The following SIX5 variants were observed in gnomAD, a reference collection of about 807,000 sequenced individuals.
The protein encoded by SIX5 is homeobox protein SIX5.
A neutral mutation model predicts 37.1 loss-of-function variants in SIX5; 21 were observed. The ratio of observed to expected loss-of-function variants is 0.57; its 90% CI spans 0.40 to 0.81. The LOEUF is 0.81. Ranked by LOEUF, SIX5 falls within the 40% of genes least tolerant of loss-of-function variation. The probability of loss-of-function intolerance (pLI) is 0.00; values close to 1 mark genes in which losing one functional copy is unlikely to be tolerated. For missense variants in SIX5, 1,137 were observed against 1,025.1 expected, an observed-to-expected ratio of 1.11 and a Z score of -1.49; for synonymous variants, 626 against 505.9, an observed-to-expected ratio of 1.24 and a Z score of -3.19.
rs750846602 is a variant in SIX5 at position 45,766,987 on chromosome 19, G to A, written c.972C>T (p.Asn324=). The A allele has an allele frequency of 4.4e-6, 7 of 1,603,042 alleles. No individual in the cohort carries two copies. The highest frequency in any genetic ancestry group is 1.3e-5 in the African/African-American group (1 of 74,810). Residue 324 remains asparagine, a synonymous_variant, in exon 2 of 3, where the codon AAC becomes AAT. Coordinates refer to ENST00000317578, the MANE Select transcript of SIX5 (RefSeq NM_175875.5). ...PCPASSSILV[N]GSFLAASGSP... Reference sequence around the variant, plus strand: ...AGCCGCTGGCTGCCAGGAAGCTCCCGTTCACCAGGATGGAGGAGGAAGCCG... The same window carrying A: ...AGCCGCTGGCTGCCAGGAAGCTCCCATTCACCAGGATGGAGGAGGAAGCCG...
intron 1 of SIX5, 84 bp downstream of exon 1, chr19:45,767,957 GC>G: frequency 7.3e-7 from 1 of 1,374,946 alleles, no homozygotes; most frequent in East Asian, 2.4e-5. Flanking sequence ...CGGCGCGCCG[GC>G]CCCAGCAGTG....
Position 45,768,319 on chromosome 19 carries a change from G to A in SIX5, c.526C>T (p.Arg176Cys), listed in dbSNP as rs375188579. Reference sequence around the variant, plus strand: ...TCCACTGCGCCAAGCGCGCGGCCGCGGGCCCGCTCGGCCTCATGGTAGCGC... The same window carrying A: ...TCCACTGCGCCAAGCGCGCGGCCGCAGGCCCGCTCGGCCTCATGGTAGCGC... ...RARYHEAERARGRALGAVDKY... is the reference protein window; with the variant it reads ...RARYHEAERACGRALGAVDKY... Residue 176 changes from arginine to cysteine, a missense_variant, in exon 1 of 3, where the codon CGC (arginine) becomes TGC (cysteine). By Grantham distance (180) the Arg-to-Cys change is radical. This residue lies in a region of SIX5 where 331 missense variants were observed against 360.9 expected (regional missense o/e 0.92). Coordinates refer to ENST00000317578, the MANE Select transcript of SIX5 (RefSeq NM_175875.5). 6.2e-7 allele frequency: 1 copy of A among 1,606,832 alleles called. No homozygotes were observed. The highest frequency in any genetic ancestry group is 1.3e-5 in the African/African-American group (1 of 74,826).
chr19:45,766,649 G>A lies in SIX5; in HGVS notation c.1310C>T (p.Thr437Ile). 1.4e-6 allele frequency: 2 copies of A among 1,480,962 alleles called. No individual in the cohort carries two copies. The highest frequency in any genetic ancestry group is 1.8e-6 in the Non-Finnish European group (2 of 1,114,164). 91.7% of individuals were successfully genotyped at this position (1,480,962 alleles called of 1,614,324 possible). Residue 437 changes from threonine (T) to isoleucine (I), a missense_variant, in exon 2 of 3, where the codon ACC becomes ATC. Thr to Ile is a moderately conservative substitution (Grantham distance 89). Coordinates refer to ENST00000317578, the MANE Select transcript of SIX5 (RefSeq NM_175875.5). ...CACTGGCCCCGGGGGCAGAGGAAAGGTGGCAGCCGTCGGGGGGCCAGGCAC... is the reference window on the plus strand; with the variant it reads ...CACTGGCCCCGGGGGCAGAGGAAAGATGGCAGCCGTCGGGGGGCCAGGCAC... Reference protein sequence around the residue: ...QVVPGPPTAATFPLPPGPVPA... With the variant: ...QVVPGPPTAAIFPLPPGPVPA...
chr19:45,767,463 G>C (rs540884931), intron 1 of SIX5, among the ~76,000 whole-genome samples: 1 of 152,216 alleles, frequency 6.6e-6, no homozygotes, highest in African/African-American at 2.4e-5. Flanking sequence ...CGAGTGGCCT[G>C]GAGAGAGGGA....
At position 45,766,390 on chromosome 19, in the gene SIX5, C is replaced by T. The variant is rs1969074580; in HGVS notation, c.1569G>A (p.Val523=). 2 of 1,590,008 alleles carry T rather than the reference C, an allele frequency of 1.3e-6. No individual in the cohort carries two copies. The highest frequency in any genetic ancestry group is 1.7e-6 in the Non-Finnish European group (2 of 1,169,698). Residue 523 remains valine (V), a synonymous_variant, in exon 2 of 3, where the codon GTG becomes GTA. Transcript: ENST00000317578. ...AAGGCAGCTGCAGGGCAGTCACGCC[C>T]ACCCCGGAGTTGATGAGGTGCACAT... ...PANVHLINSG[V]GVTALQLPSA...
chr19:45,768,001 T>C, intron 1 of SIX5, 41 bp downstream of exon 1: 1 of 1,577,640 alleles, frequency 6.3e-7, no homozygotes, highest in Non-Finnish European at 8.6e-7. Flanking sequence ...GGACGGGATG[T>C]CCCCGGGAGA....
chr19:45,767,026 A>T lies in SIX5; in HGVS notation c.933T>A (p.Pro311=). 6.2e-7 allele frequency: 1 copy of T among 1,609,180 alleles called. No individual in the cohort carries two copies. The highest frequency in any genetic ancestry group is 8.5e-7 in the Non-Finnish European group (1 of 1,179,056). Residue 311 remains proline, a synonymous_variant, in exon 2 of 3, where the codon CCT becomes CCA. Coordinates refer to ENST00000317578, the MANE Select transcript of SIX5 (RefSeq NM_175875.5). ...AGGAGGAAGCCGGGCAAGGCGCGGG[A>T]GGGCCGGTCCCTGCCAGGAATATGG... is the stretch of plus-strand genomic sequence containing the variant. ...QGSIFLAGTG[P]PAPCPASSSI...
At position 45,767,170 on chromosome 19, in the gene SIX5, G is replaced by A. The variant is rs772894461; in HGVS notation, c.804-15C>T. On this transcript the variant is annotated splice_polypyrimidine_tract_variant and intron_variant, in intron 1 of 2. Coordinates refer to ENST00000317578, the MANE Select transcript of SIX5 (RefSeq NM_175875.5). ...CATCAGACTCGCTGGCCGGAGAAATGGCTGTCAGCTGGGGTCCCTTAGCCT... is the reference window on the plus strand; with the variant it reads ...CATCAGACTCGCTGGCCGGAGAAATAGCTGTCAGCTGGGGTCCCTTAGCCT... 35 of 1,609,528 alleles carry A rather than the reference G, an allele frequency of 2.2e-5. No homozygotes were observed. Among genetic ancestry groups the A allele is most frequent in the Non-Finnish European group, 2.8e-5 (33 of 1,179,194 alleles).
At position 45,766,239 on chromosome 19, in the gene SIX5, T is replaced by C. The variant is rs963885375; in HGVS notation, c.1609+111A>G. 2.0e-6 allele frequency: 3 copies of C among 1,491,718 alleles called. No individual in the cohort carries two copies. In the African/African-American group the frequency reaches 4.2e-5, roughly 21 times the overall value. 92.4% of individuals were successfully genotyped at this position (1,491,718 alleles called of 1,614,324 possible). On this transcript the variant is annotated intron_variant, in intron 2 of 2. Coordinates refer to ENST00000317578, the MANE Select transcript of SIX5 (RefSeq NM_175875.5). ...GTGGTGGGCCTTGGGGCACTGGGAC[T>C]TGCCAGGGATGAGATGCCCTCCAGG...
Position 45,768,794 on chromosome 19 carries a change from C to T in SIX5, c.51G>A (p.Glu17=). Residue 17 remains glutamate, a synonymous_variant, in exon 1 of 3, where the codon GAG becomes GAA. Transcript: ENST00000317578. ...CGGTCGCCGCCGCCGCCGCCACCGC[C>T]TCCCCCCCAGCCGCCGGCCCCGCGC... is the stretch of plus-strand genomic sequence containing the variant. ...EPSAGPAAGG[E]AVAAAAATEE... is the part of the protein sequence containing the mutation. 6.5e-7 allele frequency: 1 copy of T among 1,529,886 alleles called. No individual in the cohort carries two copies. The highest frequency in any genetic ancestry group is 2.5e-5 in the East Asian group (1 of 40,548). 94.8% of individuals were successfully genotyped at this position (1,529,886 alleles called of 1,614,324 possible).
intron 2 of SIX5, 80 bp from the exon 3 acceptor site, chr19:45,766,191 G>A: frequency 1.3e-6 from 2 of 1,541,202 alleles, no homozygotes; most frequent in South Asian, 1.2e-5. Context: ...CTGTGCAGCT[G>A]GAGGGCGGGC....
At position 45,767,104 on chromosome 19, in the gene SIX5, C is replaced by A. The variant is rs764868951; in HGVS notation, c.855G>T (p.Glu285Asp). ...CTGGGGCCGCCCCTCTCTCCAGGTC[C>A]TCAGGACTTCGGCTGGACTCGTCCT... ...TTEDESSRSP[E>D]DLERGAAPVS... The change falls in exon 2 of 3, where the codon GAG (glutamate) becomes GAT (aspartate). Residue 285 changes from glutamate (E) to aspartate (D), a missense_variant. Coordinates refer to ENST00000317578, the MANE Select transcript of SIX5 (RefSeq NM_175875.5). The A allele has an allele frequency of 1.9e-6, 3 of 1,612,308 alleles. No individual in the cohort carries two copies. The highest frequency in any genetic ancestry group is 1.7e-6 in the Non-Finnish European group (2 of 1,179,774).
At position 45,768,913 on chromosome 19, in the gene SIX5, C is replaced by A. The variant is rs982489240; in HGVS notation, c.-69G>T. On this transcript the variant is annotated 5_prime_UTR_variant, in exon 1 of 3. Coordinates refer to ENST00000317578, the MANE Select transcript of SIX5 (RefSeq NM_175875.5). Reference sequence around the variant, plus strand: ...TCGGGCTTTCCCCAGCCTCCTCCCCCACCTGTCCCCCCTTTTCGCCCCCAC... The same window carrying A: ...TCGGGCTTTCCCCAGCCTCCTCCCCAACCTGTCCCCCCTTTTCGCCCCCAC... 44 of 1,401,026 alleles carry A rather than the reference C, an allele frequency of 3.1e-5. No individual in the cohort carries two copies. The highest frequency in any genetic ancestry group is 3.7e-5 in the Non-Finnish European group (39 of 1,041,702). The allele number at this position is 1,401,026 out of a possible 1,614,324, so 86.8% of individuals were successfully genotyped here. A position where few individuals can be genotyped will look rare whatever the true frequency, so the allele number is the denominator to read the frequency against.
At position 45,768,532 on chromosome 19, in the gene SIX5, C is replaced by G; in HGVS notation, c.313G>C (p.Gly105Arg). ...CEALLQAGHA[G>R]RLSRFLGALP... is the part of the protein sequence containing the mutation. ...GCGCCCAGGAAGCGGCTCAAGCGGC[C>G]GGCGTGGCCCGCCTGGAGCAGCGCC... Residue 105 changes from glycine to arginine, a missense_variant, in exon 1 of 3, where the codon GGC becomes CGC. This residue lies in a region of SIX5 where 331 missense variants were observed against 360.9 expected (regional missense o/e 0.92). Coordinates refer to ENST00000317578, the MANE Select transcript of SIX5 (RefSeq NM_175875.5). The G allele has an allele frequency of 7.0e-7, 1 of 1,424,144 alleles. No individual in the cohort carries two copies. The highest frequency in any genetic ancestry group is 9.1e-7 in the Non-Finnish European group (1 of 1,098,778). 88.2% of individuals were successfully genotyped at this position (1,424,144 alleles called of 1,614,324 possible).
At position 45,765,069 on chromosome 19, in the gene SIX5, C is replaced by A. The variant is rs1444692213; in HGVS notation, c.*432G>T. 1 of 237,664 alleles carries A rather than the reference C, an allele frequency of 4.2e-6. No individual in the cohort carries two copies. The highest frequency in any genetic ancestry group is 4.8e-5 in the Admixed American group (1 of 20,652). The allele number at this position is 237,664 out of a possible 1,614,324, so 14.7% of individuals were successfully genotyped here. A position where few individuals can be genotyped will look rare whatever the true frequency, so the allele number is the denominator to read the frequency against. On this transcript the variant is annotated 3_prime_UTR_variant, in exon 3 of 3. Coordinates refer to ENST00000317578, the MANE Select transcript of SIX5 (RefSeq NM_175875.5). ...GGGGCGCGGGGCTGCCTGTCCTCCA[C>A]CTTCGGATTCCAGGCAGTTGTGACA... is the stretch of plus-strand genomic sequence containing the variant.
Position 45,766,866 on chromosome 19 carries a change from C to A in SIX5, c.1093G>T (p.Gly365Trp). The change falls in exon 2 of 3, where the codon GGG becomes TGG. Residue 365 changes from glycine to tryptophan, a missense_variant. Physicochemically the swap from Gly to Trp is radical, Grantham distance 184. This residue lies in a region of SIX5 where 787 missense variants were observed against 621.4 expected (regional missense o/e 1.27). Coordinates refer to ENST00000317578, the MANE Select transcript of SIX5 (RefSeq NM_175875.5). ...CTGGGCTGCGGTGGAGGGGCACCCC[C>A]GCCCCCAGTGAGCAGCAGCGGGCCC... ...SLGPLLLTGG[G>W]GAPPPQPSPQ... 6.5e-7 allele frequency: 1 copy of A among 1,544,552 alleles called. No individual in the cohort carries two copies. Among genetic ancestry groups the A allele is most frequent in the Non-Finnish European group, 8.7e-7 (1 of 1,147,604 alleles).
At position 45,765,107 on chromosome 19, in the gene SIX5, G is replaced by C; in HGVS notation, c.*394C>G. On this transcript the variant is annotated 3_prime_UTR_variant, in exon 3 of 3. Coordinates refer to ENST00000317578, the MANE Select transcript of SIX5 (RefSeq NM_175875.5). ...GGCAGTTGTGACAACACCAGCTATC[G>C]GCAGAGCTATTAATAGTGTTTCAGG... The C allele has an allele frequency of 3.6e-6, 1 of 279,126 alleles. No homozygotes were observed. The highest frequency in any genetic ancestry group is 7.1e-6 in the Non-Finnish European group (1 of 141,606). 17.3% of individuals were successfully genotyped at this position (279,126 alleles called of 1,614,324 possible). A position where few individuals can be genotyped will look rare whatever the true frequency, so the allele number is the denominator to read the frequency against.
rs534099181 is a variant in SIX5, at chr19:45,766,004, C to G, written c.1717G>C (p.Val573Leu). Residue 573 changes from valine (V) to leucine (L), a missense_variant, in exon 3 of 3, where the codon GTC becomes CTC. Around this residue, in one of 3 missense-constraint regions of SIX5, gnomAD observed 787 missense variants for 621.4 expected, o/e 1.27. Transcript: ENST00000317578. ...LTATFPTSML[V>L]SQVLPPAPGL... ...GGGGCTGGCGGCAGGACCTGGGAGA[C>G]GAGCATGCTGGTGGGGAAGGTGGCG... 2.4e-5 allele frequency: 39 copies of G among 1,605,536 alleles called. No individual in the cohort carries two copies. In the East Asian group the frequency reaches 8.3e-4, roughly 34 times the overall value.
Position 45,766,397 on chromosome 19 carries a change from G to C in SIX5, c.1562C>G (p.Ser521Cys), listed in dbSNP as rs2146206424. 1 of 1,588,380 alleles carries C rather than the reference G, an allele frequency of 6.3e-7. No homozygotes were observed. The change falls in exon 2 of 3, where the codon TCC (serine) becomes TGC (cysteine). Residue 521 changes from serine to cysteine, a missense_variant. Around this residue, in one of 3 missense-constraint regions of SIX5, gnomAD observed 787 missense variants for 621.4 expected, o/e 1.27. Coordinates refer to ENST00000317578, the MANE Select transcript of SIX5 (RefSeq NM_175875.5). Reference sequence around the variant, plus strand: ...CTGCAGGGCAGTCACGCCCACCCCGGAGTTGATGAGGTGCACATTGGCAGG... The same window carrying C: ...CTGCAGGGCAGTCACGCCCACCCCGCAGTTGATGAGGTGCACATTGGCAGG... ...AGPANVHLIN[S>C]GVGVTALQLP...
Sources: gnomAD v4.1 joint callset for allele counts (sites outside exome capture counted in the v4.1 genomes callset) on GRCh38, gnomAD v4.1.1 for gene constraint, gnomAD v4.1.1 regional missense constraint, MANE v1.5 for transcripts, NCBI Gene and HGNC (gene_info 2026-07-23, HGNC 2026-07-21) for gene names.